Variants in CLDN16 observed in about 807,000 individuals in gnomAD.
CLDN16 encodes the protein claudin 16.
CLDN16 carries 13 observed loss-of-function variants against 24.6 expected under a neutral mutation model. That is an observed-to-expected ratio of 0.53 (90% CI 0.34 to 0.84). The LOEUF (loss-of-function observed/expected upper bound fraction) is 0.84. Among genes scored for constraint, CLDN16 ranks in the 40% least tolerant of loss-of-function variants. The pLI is 0.01. For missense variants in CLDN16, 298 were observed against 292.7 expected, an observed-to-expected ratio of 1.02 and a Z score of -0.13; for synonymous variants, 116 against 106.7, an observed-to-expected ratio of 1.09 and a Z score of -0.54.
At chr3:190,408,264 A>G in intron 3 of CLDN16, 50 bp from the exon 4 acceptor site, 2 of 1,561,588 alleles carry the variant, frequency 1.3e-6, no homozygotes, top group Non-Finnish European at 1.8e-6. Context: ...TTTTGGATTT[A>G]AATTCAGAAA....
At chr3:190,379,901 T>G (rs750187008) in intron 3 of CLDN16, among the ~76,000 whole-genome samples, 1 of 152,076 alleles carries the variant, frequency 6.6e-6, no homozygotes, top group Non-Finnish European at 1.5e-5. Flanking sequence ...TCATTTATGG[T>G]CCTATAACAT....
chr3:190,291,226 A>G, the CLDN16 span, among the ~76,000 whole-genome samples: 2 of 152,186 alleles, frequency 1.3e-5, no homozygotes, highest in Admixed American at 6.5e-5. Context: ...AGGAGAGGTG[A>G]TGGTATCAGA....
intron 1 of CLDN16, among the ~76,000 whole-genome samples, chr3:190,349,564 T>A (rs2108634829): frequency 6.6e-6 from 1 of 152,316 alleles, no homozygotes; most frequent in East Asian, 1.9e-4. Flanking sequence ...TGAGTCCACA[T>A]CATTTTCTGT....
At chr3:190,366,793 C>T (rs1214304348) in intron 1 of CLDN16, among the ~76,000 whole-genome samples, 1 of 151,868 alleles carries the variant, frequency 6.6e-6, no homozygotes, top group Admixed American at 6.6e-5. Flanking sequence ...ACAGAGCAGT[C>T]GCTAGAGAGG....
chr3:190,329,955 G>A (rs1402166281), intron 1 of CLDN16, among the ~76,000 whole-genome samples: 3 of 152,020 alleles, frequency 2.0e-5, no homozygotes, highest in Non-Finnish European at 4.4e-5. Context: ...GTATGATGGG[G>A]TTGGATTCTT....
the CLDN16 span, among the ~76,000 whole-genome samples, chr3:190,316,980 T>A: frequency 6.6e-6 from 1 of 152,202 alleles, no homozygotes; most frequent in African/African-American, 2.4e-5. Flanking sequence ...ATCTATTTTT[T>A]AAAGTATGTA....
the CLDN16 span, chr3:190,308,491 T>C: frequency 6.4e-7 from 1 of 1,553,364 alleles, no homozygotes; most frequent in Non-Finnish European, 8.9e-7. Flanking sequence ...TGGCAACTTT[T>C]CTAATATAAT....
chr3:190,309,970 A>G, the CLDN16 span, among the ~76,000 whole-genome samples: 4 of 152,188 alleles, frequency 2.6e-5, no homozygotes, highest in African/African-American at 7.2e-5. Flanking sequence ...TTTGGAAGGT[A>G]TTTTGTCATC....
At chr3:190,347,877 A>G (rs1318409347) in intron 1 of CLDN16, among the ~76,000 whole-genome samples, 1 of 152,028 alleles carries the variant, frequency 6.6e-6, no homozygotes, top group African/African-American at 2.4e-5. Context: ...GTAGTTTGTA[A>G]GGAACAGAAA....
At chr3:190,394,832 AC>A (rs1006871605) in intron 1 of CLDN16, among the ~76,000 whole-genome samples, 3 of 152,172 alleles carry the variant, frequency 2.0e-5, no homozygotes, top group Non-Finnish European at 4.4e-5. Context: ...GTATCTTGCT[AC>A]AATTTAAATA....
rs1299030696 is a variant in CLDN16 at position 190,337,716 on chromosome 3, A to G, written n.121+15055A>G. 3.9e-5 allele frequency among the ~76,000 whole-genome samples: 6 copies of G among 152,340 alleles called. No homozygotes were observed. In the East Asian group the frequency reaches 1.2e-3, roughly 29 times the overall value. On this transcript the variant is annotated intron_variant and non_coding_transcript_variant, in intron 1 of 4. Coordinates refer to the CLDN16 transcript ENST00000468220. The stretch of plus-strand genomic sequence containing the variant: ...CAACAATTAATCCTGAGTAGTAGTG[A>G]CACACATTCCTAGGATGTGTTTGCC...
chr3:190,296,716 A>AT, the CLDN16 span, among the ~76,000 whole-genome samples: 1 of 151,836 alleles, frequency 6.6e-6, no homozygotes, highest in Non-Finnish European at 1.5e-5. Flanking sequence ...CGCCCGGCTA[A>AT]TTTTTTGTAT....
the CLDN16 span, chr3:190,308,281 A>T: frequency 6.2e-7 from 1 of 1,613,644 alleles, no homozygotes; most frequent in Non-Finnish European, 8.5e-7. Flanking sequence ...TCTGTGTCAC[A>T]CGTAGTCTTT....
At chr3:190,312,532 C>G in the CLDN16 span, among the ~76,000 whole-genome samples, 1 of 152,162 alleles carries the variant, frequency 6.6e-6, no homozygotes, top group Non-Finnish European at 1.5e-5. Flanking sequence ...CCATCTTTTC[C>G]ACATAGTATC....
At chr3:190,300,961 G>A in the CLDN16 span, among the ~76,000 whole-genome samples, 12 of 152,196 alleles carry the variant, frequency 7.9e-5, no homozygotes, top group South Asian at 2.1e-4. Flanking sequence ...AGATGGATCC[G>A]GTAATGAGAA....
the CLDN16 span, among the ~76,000 whole-genome samples, chr3:190,290,947 A>C: frequency 1.3e-5 from 2 of 152,200 alleles, no homozygotes; most frequent in Non-Finnish European, 1.5e-5. Flanking sequence ...GTTGGTGATA[A>C]GAATTATGAA....
intron 1 of CLDN16, among the ~76,000 whole-genome samples, chr3:190,327,055 G>GGA (rs559518688): frequency 3.3e-5 from 5 of 151,528 alleles, no homozygotes; most frequent in South Asian, 4.2e-4. Context: ...TGGAGAGAGA[G>GGA]GAGAGAGAGA....
At chr3:190,374,777 A>G (rs931885568) in intron 3 of CLDN16, among the ~76,000 whole-genome samples, 1 of 152,050 alleles carries the variant, frequency 6.6e-6, no homozygotes, top group African/African-American at 2.4e-5. Flanking sequence ...TTTTAAAAAG[A>G]CCAAGGCTAC....
At chr3:190,299,332 A>G in the CLDN16 span, among the ~76,000 whole-genome samples, 3 of 152,018 alleles carry the variant, frequency 2.0e-5, no homozygotes, top group Admixed American at 6.5e-5. Flanking sequence ...AAGTGTTCTC[A>G]ATATTAAGTC....
Sources: allele counts gnomAD v4.1 joint callset (sites outside exome capture counted in the v4.1 genomes callset), GRCh38; gene constraint gnomAD v4.1.1; transcripts MANE v1.5; gene names NCBI Gene and HGNC (gene_info 2026-07-23, HGNC 2026-07-21).